MRPS35: variants seen among roughly 807,000 people sequenced by gnomAD.
MRPS35 encodes the protein mitochondrial ribosomal protein S35.
MRPS35 carries 29 observed loss-of-function variants against 32.7 expected under a neutral mutation model. The observed-to-expected ratio is 0.89, with a 90% confidence interval of 0.66 to 1.21. The LOEUF (loss-of-function observed/expected upper bound fraction) is 1.21, where lower values mean the gene tolerates loss of function less well. Ranked by LOEUF, MRPS35 falls within the 50% of genes most tolerant of loss-of-function variation. MRPS35 has a pLI of 0.00. For missense variants in MRPS35, 373 were observed against 383.8 expected (o/e 0.97, Z 0.23); for synonymous variants, 148 against 139.3 (o/e 1.06, Z -0.44).
chr12:27,720,399 A>AG (rs2061868918), intron 4 of MRPS35, among the ~76,000 whole-genome samples: 1 of 151,690 alleles, frequency 6.6e-6, no homozygotes, highest in Non-Finnish European at 1.5e-5. Context: ...CATCTCAAAA[A>AG]AAAAAAAAAA....
intron 7 of MRPS35, among the ~76,000 whole-genome samples, chr12:27,748,385 G>A (rs1271243789): frequency 6.6e-6 from 1 of 152,076 alleles, no homozygotes; most frequent in Non-Finnish European, 1.5e-5. Context: ...TGCTTCTTCA[G>A]GGGTTGGGGG....
intron 5 of MRPS35, among the ~76,000 whole-genome samples, chr12:27,733,038 A>ATCTATCTATCTATCTATCTATC (rs1565468137): frequency 2.6e-5 from 2 of 76,122 alleles, no homozygotes; most frequent in East Asian, 8.8e-4. Flanking sequence ...ATATATATAT[A>ATCTATCTATCTATCTATCTATC]TATCCAGCAC....
chr12:27,714,758 CTG>C lies in MRPS35; in HGVS notation c.113-18_113-17del. On this transcript the variant is annotated intron_variant, in intron 1 of 7. Transcript: ENST00000081029. ...GACATGATAAAATTCTCTTTAACTACTGTGTTATCTTTTACGTACAGCGGAAA... is the reference window on the plus strand; with the variant it reads ...GACATGATAAAATTCTCTTTAACTACTGTTATCTTTTACGTACAGCGGAAA... 6.3e-7 allele frequency: 1 copy of C among 1,587,068 alleles called. No individual in the cohort carries two copies. Among genetic ancestry groups the C allele is most frequent in the Non-Finnish European group, 8.6e-7 (1 of 1,159,596 alleles).
chr12:27,744,567 T>A (rs891584285), intron 7 of MRPS35, among the ~76,000 whole-genome samples: 2 of 152,196 alleles, frequency 1.3e-5, no homozygotes, highest in African/African-American at 4.8e-5. Flanking sequence ...GTTAATAGAA[T>A]CTATATTCTA....
intron 6 of MRPS35, 52 bp from the exon 7 acceptor site, chr12:27,737,487 T>C (rs1464166122): frequency 6.8e-7 from 1 of 1,461,774 alleles, no homozygotes; most frequent in Non-Finnish European, 9.6e-7. Flanking sequence ...TGCAAATTTT[T>C]CTGTGTACTG....
intron 2 of MRPS35, among the ~76,000 whole-genome samples, chr12:27,715,229 G>A (rs952956130): frequency 2.0e-5 from 3 of 152,246 alleles, no homozygotes; most frequent in East Asian, 1.9e-4. Context: ...TCTGCCTCCC[G>A]GGTTCAAGTG....
intron 2 of MRPS35, among the ~76,000 whole-genome samples, chr12:27,715,462 C>T (rs896918530): frequency 3.4e-4 from 51 of 152,208 alleles, no homozygotes; most frequent in African/African-American, 1.2e-3. Flanking sequence ...TGAGCCACGG[C>T]ACCTGGCCGT....
Position 27,755,198 on chromosome 12 carries a change from A to G in MRPS35, c.720A>G (p.Glu240=), listed in dbSNP as rs764907306. The G allele has an allele frequency of 6.4e-7, 1 of 1,554,252 alleles. No individual in the cohort carries two copies. Residue 240 remains glutamate, a synonymous_variant, in exon 8 of 8, where the codon GAA becomes GAG. Coordinates refer to ENST00000081029, the MANE Select transcript of MRPS35 (RefSeq NM_021821.4). Reference sequence around the variant, plus strand: ...TGTTTCAGAATACTGAAGAATGGGAAAAAAGTAAGACTGAAGCAGACATGG... The same window carrying G: ...TGTTTCAGAATACTGAAGAATGGGAGAAAAGTAAGACTGAAGCAGACATGG... ...YHESWNTEEW[E]KSKTEADMEE...
chr12:27,754,743 G>A (rs1265859573), intron 7 of MRPS35, among the ~76,000 whole-genome samples: 1 of 142,134 alleles, frequency 7.0e-6, no homozygotes, highest in Non-Finnish European at 1.5e-5. Context: ...CTCCAGCCTG[G>A]GTGACAGAGT....
chr12:27,755,172 T>C lies in MRPS35; in HGVS notation c.703-9T>C. The C allele has an allele frequency of 6.7e-7, 1 of 1,496,604 alleles. No homozygotes were observed. The allele number at this position is 1,496,604 out of a possible 1,614,324, so 92.7% of individuals were successfully genotyped here. A position where few individuals can be genotyped will look rare whatever the true frequency, so the allele number is the denominator to read the frequency against. On this transcript the variant is annotated splice_polypyrimidine_tract_variant and intron_variant, in intron 7 of 7. Transcript: ENST00000081029. Reference sequence around the variant, plus strand: ...AGAACTCATTTTTTTTTGTTTTGTTTTGTTTCAGAATACTGAAGAATGGGA... The same window carrying C: ...AGAACTCATTTTTTTTTGTTTTGTTCTGTTTCAGAATACTGAAGAATGGGA...
chr12:27,714,011 G>A (rs2061838830), intron 1 of MRPS35, among the ~76,000 whole-genome samples: 1 of 150,476 alleles, frequency 6.6e-6, no homozygotes, highest in African/African-American at 2.5e-5. Flanking sequence ...GTAGTTCGAG[G>A]CTGCAGTAAG....
chr12:27,735,433 TTCTTA>T lies in MRPS35; in HGVS notation c.523-12_523-8del. On this transcript the variant is annotated splice_polypyrimidine_tract_variant and intron_variant, in intron 5 of 7. Coordinates refer to ENST00000081029, the MANE Select transcript of MRPS35 (RefSeq NM_021821.4). ...ATGAAATTATTTTTTCAAATAACTTTTCTTATTTTTAAGGTAAAGCTTTCCAGTTT... is the reference window on the plus strand; with the variant it reads ...ATGAAATTATTTTTTCAAATAACTTTTTTTTAAGGTAAAGCTTTCCAGTTT... 1.3e-6 allele frequency: 2 copies of T among 1,552,190 alleles called. No homozygotes were observed. The highest frequency in any genetic ancestry group is 1.2e-5 in the South Asian group (1 of 84,478).
At chr12:27,719,927 C>A in intron 4 of MRPS35, 59 bp downstream of exon 4, 1 of 1,241,906 alleles carries the variant, frequency 8.1e-7, no homozygotes, top group Non-Finnish European at 1.2e-6. Context: ...ATTTAAGAAT[C>A]TCTGTTCTGA....
In MRPS35 at chr12:27,755,410, A is replaced by G; in HGVS notation, c.932A>G (p.Gln311Arg). 1 of 1,590,034 alleles carries G rather than the reference A, an allele frequency of 6.3e-7. No individual in the cohort carries two copies. Among genetic ancestry groups the G allele is most frequent in the Non-Finnish European group, 8.5e-7 (1 of 1,174,396 alleles). ...GAGGAAAATGAAAATTCCATTTCTC[A>G]GTACAAAGAATCCGTGAAGAGACTA... ...NEEENENSIS[Q>R]YKESVKRLLN... Residue 311 changes from glutamine (Q) to arginine (R), a missense_variant, in exon 8 of 8, where the codon CAG (glutamine) becomes CGG (arginine). By Grantham distance (43) the Gln-to-Arg change is conservative (BLOSUM62 1). Transcript: ENST00000081029.
chr12:27,718,327 T>C (rs2140754879), intron 3 of MRPS35, among the ~76,000 whole-genome samples: 1 of 152,292 alleles, frequency 6.6e-6, no homozygotes, highest in African/African-American at 2.4e-5. Context: ...CTTGGGAGAC[T>C]GAGGCAGGAG....
intron 5 of MRPS35, 42 bp from the exon 6 acceptor site, chr12:27,735,405 T>G (rs1048112510): frequency 7.0e-7 from 1 of 1,420,648 alleles, no homozygotes; most frequent in Admixed American, 2.0e-5. Flanking sequence ...ACTAAACAAT[T>G]ATATGAAATT....
chr12:27,723,763 C>T (rs750636822), intron 4 of MRPS35, among the ~76,000 whole-genome samples: 5 of 152,142 alleles, frequency 3.3e-5, no homozygotes, highest in African/African-American at 4.8e-5. Flanking sequence ...ATGTGCAAAG[C>T]TTATAATAAG....
intron 5 of MRPS35, among the ~76,000 whole-genome samples, chr12:27,731,654 TG>T (rs2061922504): frequency 6.6e-6 from 1 of 152,158 alleles, no homozygotes; most frequent in African/African-American, 2.4e-5. Context: ...CTGCAACCTC[TG>T]CCTCCATGGT....
At chr12:27,748,470 T>TGTGTGTGTGA (rs376498203) in intron 7 of MRPS35, among the ~76,000 whole-genome samples, 2 of 148,266 alleles carry the variant, frequency 1.3e-5, no homozygotes, top group African/African-American at 5.0e-5. Context: ...TGTGTGTGTG[T>TGTGTGTGTGA]GATCCATATT....
Sources: allele counts gnomAD v4.1 joint callset (sites outside exome capture counted in the v4.1 genomes callset), GRCh38; gene constraint gnomAD v4.1.1; transcripts MANE v1.5; gene names NCBI Gene and HGNC (gene_info 2026-07-23, HGNC 2026-07-21).